ABLIM2: variants seen among roughly 807,000 people sequenced by gnomAD.
ABLIM2 encodes the protein actin-binding LIM protein 2.
In ABLIM2, 53 loss-of-function variants were observed where a neutral mutation model predicts 97.7. That is an observed-to-expected ratio of 0.54 (90% CI 0.44 to 0.68). The LOEUF (loss-of-function observed/expected upper bound fraction) is 0.68. Ranked by LOEUF, ABLIM2 falls within the 30% of genes least tolerant of loss-of-function variation. The pLI is 0.00. For synonymous variants in ABLIM2, 361 were observed against 345.8 expected (o/e 1.04, Z -0.49); for missense variants, 835 against 867.2 (o/e 0.96, Z 0.47).
chr4:8,118,420 C>T (rs1028179407), intron 1 of ABLIM2, among the ~76,000 whole-genome samples: 1 of 152,192 alleles, frequency 6.6e-6, no homozygotes, highest in African/African-American at 2.4e-5. Flanking sequence ...CCCTCCAGCC[C>T]AGTTTCTAAT....
intron 20 of ABLIM2, among the ~76,000 whole-genome samples, chr4:7,979,153 G>A (rs150648856): frequency 8.5e-5 from 13 of 152,314 alleles, no homozygotes; most frequent in African/African-American, 2.9e-4. Context: ...GAACCTTTTG[G>A]TGGCCTTTCC....
chr4:8,039,874 GTTTT>G (rs397947626), intron 9 of ABLIM2, among the ~76,000 whole-genome samples: 11 of 108,626 alleles, frequency 1.0e-4, no homozygotes, highest in African/African-American at 2.7e-4. Context: ...GCTGATTACT[GTTTT>G]TTTTTTTTTT....
chr4:8,071,112 C>T lies in ABLIM2; in HGVS notation c.675+6516G>A, dbSNP rs1811697551. Reference sequence around the variant, plus strand: ...ATGCAGCCCTGGTCTAGAGGCTGGTCACACCGCTGTCCCCGTGGATTCGCC... The same window carrying T: ...ATGCAGCCCTGGTCTAGAGGCTGGTTACACCGCTGTCCCCGTGGATTCGCC... On this transcript the variant is annotated intron_variant, in intron 6 of 20. Coordinates refer to ENST00000447017, the MANE Select transcript of ABLIM2 (RefSeq NM_001130083.2). The surrounding 1 kb of genome is among the most constrained non-coding windows in gnomAD (Gnocchi z 6.2). 6.6e-6 allele frequency among the ~76,000 whole-genome samples: 1 copy of T among 152,184 alleles called. No individual in the cohort carries two copies. Among genetic ancestry groups the T allele is most frequent in the Non-Finnish European group, 1.5e-5 (1 of 68,012 alleles).
rs1369642586 is a variant in ABLIM2, at chr4:8,083,190, G to A, written c.455-2388C>T. On this transcript the variant is annotated intron_variant, in intron 4 of 20. Transcript: ENST00000447017. The surrounding 1 kb of genome is among the most constrained non-coding windows in gnomAD (Gnocchi z 4.6). ...CATGTCAAGGGAGCACAGCACATGG[G>A]GCTGTGTGTCGACCAGAGGACAGAC... is the stretch of plus-strand genomic sequence containing the variant. 6.6e-6 allele frequency among the ~76,000 whole-genome samples: 1 copy of A among 152,190 alleles called. No individual in the cohort carries two copies. The highest frequency in any genetic ancestry group is 2.4e-5 in the African/African-American group (1 of 41,434).
intron 3 of ABLIM2, among the ~76,000 whole-genome samples, chr4:8,092,164 ATTT>A (rs1276592515): frequency 6.6e-6 from 1 of 150,986 alleles, no homozygotes; most frequent in Non-Finnish European, 1.5e-5. Flanking sequence ...CACCTGGCTA[ATTT>A]TTATATTTTT....
In ABLIM2 at chr4:7,980,253, A is replaced by T. The variant is rs1376771099; in HGVS notation, c.1824+3011T>A. ...CTCATTCTACCCTCCTCCCTTCGGA[A>T]TTCAGGCACAACTGATAACATTAAC... On this transcript the variant is annotated intron_variant, in intron 20 of 20. Transcript: ENST00000447017. 2.0e-5 allele frequency among the ~76,000 whole-genome samples: 3 copies of T among 152,196 alleles called. No homozygotes were observed. In the East Asian group the frequency reaches 5.8e-4, roughly 29 times the overall value.
intron 11 of ABLIM2, among the ~76,000 whole-genome samples, chr4:8,028,170 C>T (rs1463070658): frequency 6.6e-6 from 1 of 152,248 alleles, no homozygotes; most frequent in Non-Finnish European, 1.5e-5. Context: ...GGATCAAGGA[C>T]TCAGCTGGAG....
chr4:8,004,243 T>C lies in ABLIM2; in HGVS notation c.1618+3816A>G, dbSNP rs1002890095. 4.0e-5 allele frequency among the ~76,000 whole-genome samples: 6 copies of C among 151,430 alleles called. No homozygotes were observed. The highest frequency in any genetic ancestry group is 5.9e-5 in the Non-Finnish European group (4 of 67,902). Reference sequence around the variant, plus strand: ...CCACCAGACATGGGACTCCGCCCGGTCCCACAGCGAGAGGACACACAGAAA... The same window carrying C: ...CCACCAGACATGGGACTCCGCCCGGCCCCACAGCGAGAGGACACACAGAAA... On this transcript the variant is annotated intron_variant, in intron 16 of 20. Coordinates refer to ENST00000447017, the MANE Select transcript of ABLIM2 (RefSeq NM_001130083.2). This position sits in a 1 kb window ranked among gnomAD's most constrained non-coding sequence, Gnocchi z 5.9.
rs917651614 is a variant in ABLIM2, at chr4:8,029,805, C to A, written c.1048-29G>T. On this transcript the variant is annotated intron_variant, in intron 10 of 20. Coordinates refer to ENST00000447017, the MANE Select transcript of ABLIM2 (RefSeq NM_001130083.2). ...GGAGGGAAGATGCAGCTTGTGAACA[C>A]TGGAGCCGGGAGCACTTCCCACCCC... 5 of 1,558,924 alleles carry A rather than the reference C, an allele frequency of 3.2e-6. No homozygotes were observed. In the African/African-American group the frequency reaches 6.8e-5, roughly 21 times the overall value.
At chr4:8,154,940 G>A (rs1373628274) in intron 1 of ABLIM2, among the ~76,000 whole-genome samples, 1 of 152,272 alleles carries the variant, frequency 6.6e-6, no homozygotes, top group Non-Finnish European at 1.5e-5. Flanking sequence ...CAGCAGGCAA[G>A]AGAGCGTGTG....
chr4:8,072,061 G>A lies in ABLIM2; in HGVS notation c.675+5567C>T, dbSNP rs1172176023. The A allele has an allele frequency of 2.0e-6, 2 of 985,408 alleles. No individual in the cohort carries two copies. The highest frequency in any genetic ancestry group is 2.4e-6 in the Non-Finnish European group (2 of 829,956). The allele number at this position is 985,408 out of a possible 1,614,324, so 61.0% of individuals were successfully genotyped here. On this transcript the variant is annotated intron_variant, in intron 6 of 20. Transcript: ENST00000447017. This position sits in a 1 kb window ranked among gnomAD's most constrained non-coding sequence, Gnocchi z 5.8. ...GGATGCTCAGAGCTGTGCAGAGCCC[G>A]CCGACTCAGCCACGCCGCCACAGAC...
intron 9 of ABLIM2, among the ~76,000 whole-genome samples, chr4:8,040,774 T>C (rs959106406): frequency 6.6e-6 from 1 of 152,152 alleles, no homozygotes; most frequent in African/African-American, 2.4e-5. Context: ...TGTTCGGGCT[T>C]CTGGCCTGTC....
chr4:8,059,195 C>T (rs1801295577), intron 7 of ABLIM2, among the ~76,000 whole-genome samples: 1 of 152,032 alleles, frequency 6.6e-6, no homozygotes, highest in African/African-American at 2.4e-5. Context: ...AGGTGCCTGT[C>T]TGCAAGGAGA....
chr4:8,157,827 C>T (rs1715884842), intron 1 of ABLIM2, among the ~76,000 whole-genome samples: 1 of 152,294 alleles, frequency 6.6e-6, no homozygotes, highest in Non-Finnish European at 1.5e-5. Flanking sequence ...TGGTGCGCCT[C>T]GGGTCACACC....
intron 3 of ABLIM2, among the ~76,000 whole-genome samples, chr4:8,096,155 G>A (rs911187536): frequency 2.0e-5 from 3 of 152,168 alleles, no homozygotes; most frequent in Non-Finnish European, 2.9e-5. Flanking sequence ...GGCAATCACA[G>A]GCCTCGCCTC....
rs754885075 is a variant in ABLIM2, at chr4:8,054,179, G to T, written c.822+9C>A. The T allele has an allele frequency of 1.9e-6, 3 of 1,613,888 alleles. No homozygotes were observed. The highest frequency in any genetic ancestry group is 3.3e-5 in the Admixed American group (2 of 60,008). On this transcript the variant is annotated intron_variant, in intron 8 of 20. Coordinates refer to ENST00000447017, the MANE Select transcript of ABLIM2 (RefSeq NM_001130083.2). This position sits in a 1 kb window ranked among gnomAD's most constrained non-coding sequence, Gnocchi z 4.9. ...GGGTACATCAGAGACACCAGTGAAT[G>T]CCACCAACCTTGTTTCTGTCTTCAG...
rs1578940791 is a variant in ABLIM2, at chr4:8,023,664, G to A, written c.1268-3361C>T. ...CTGTGTAGCCCACACTTGTCCACAT[G>A]TCAGGAGTGGGAGTTACGACCCCCT... On this transcript the variant is annotated intron_variant, in intron 12 of 20. Coordinates refer to ENST00000447017, the MANE Select transcript of ABLIM2 (RefSeq NM_001130083.2). The surrounding 1 kb of genome is among the most constrained non-coding windows in gnomAD (Gnocchi z 5.7). Among the ~76,000 whole-genome samples the A allele has an allele frequency of 6.6e-6, 1 of 152,224 alleles. No individual in the cohort carries two copies. Among genetic ancestry groups the A allele is most frequent in the Non-Finnish European group, 1.5e-5 (1 of 68,050 alleles).
chr4:8,137,653 G>A (rs1398570695), intron 1 of ABLIM2, among the ~76,000 whole-genome samples: 1 of 152,260 alleles, frequency 6.6e-6, no homozygotes, highest in Non-Finnish European at 1.5e-5. Flanking sequence ...AAGCTGTGGA[G>A]TCGCTCCCTG....
At position 8,155,763 on chromosome 4, in the gene ABLIM2, C is replaced by A. The variant is rs148271554; in HGVS notation, c.10+2917G>T. The stretch of plus-strand genomic sequence containing the variant: ...GACACAGACACACACAAAGGGAAGA[C>A]GGGACGAGGACACAGACACACACAA... On this transcript the variant is annotated intron_variant, in intron 1 of 20. Coordinates refer to ENST00000447017, the MANE Select transcript of ABLIM2 (RefSeq NM_001130083.2). The surrounding 1 kb of genome is among the most constrained non-coding windows in gnomAD (Gnocchi z 4.2). Among the ~76,000 whole-genome samples, 1 of 131,272 alleles carries A rather than the reference C, an allele frequency of 7.6e-6. No individual in the cohort carries two copies. The highest frequency in any genetic ancestry group is 2.8e-5 in the African/African-American group (1 of 35,400). The allele number at this position is 131,272 out of a possible 152,430, so 86.1% of individuals were successfully genotyped here.
Sources: gnomAD v4.1 joint callset for allele counts (sites outside exome capture counted in the v4.1 genomes callset) on GRCh38, gnomAD v4.1.1 for gene constraint, Gnocchi (gnomAD v3.1) non-coding constraint, MANE v1.5 for transcripts, NCBI Gene and HGNC (gene_info 2026-07-23, HGNC 2026-07-21) for gene names.